Variants in CACNA1E observed in about 807,000 individuals in gnomAD.
CACNA1E encodes calcium voltage-gated channel subunit alpha1 E, also known as voltage-dependent R-type calcium channel subunit alpha-1E.
CACNA1E carries 40 observed loss-of-function variants against 259.2 expected under a neutral mutation model. That is an observed-to-expected ratio of 0.15 (90% CI 0.12 to 0.20). The LOEUF is 0.20. CACNA1E is among the 10% of genes least tolerant of loss of function. The probability of loss-of-function intolerance (pLI) is 1.00; values close to 1 mark genes in which losing one functional copy is unlikely to be tolerated. For synonymous variants in CACNA1E, 1,104 were observed against 1,138.5 expected (o/e 0.97, Z 0.61); for missense variants, 1,874 against 3,040.1 (o/e 0.62, Z 9.02).
intron 1 of CACNA1E, among the ~76,000 whole-genome samples, chr1:181,383,201 A>G (rs1389052235): frequency 6.6e-6 from 1 of 152,138 alleles, no homozygotes; most frequent in Non-Finnish European, 1.5e-5. Flanking sequence ...TGTTATACTT[A>G]CTTCCAACTT....
At chr1:181,445,650 C>T (rs1660747297) in intron 2 of CACNA1E, among the ~76,000 whole-genome samples, 1 of 152,218 alleles carries the variant, frequency 6.6e-6, no homozygotes, top group Admixed American at 6.5e-5. Context: ...CACACAAGGG[C>T]CTTGCCCTCA....
At chr1:181,731,574 G>T (rs893153439) in intron 19 of CACNA1E, among the ~76,000 whole-genome samples, 2 of 152,152 alleles carry the variant, frequency 1.3e-5, no homozygotes, top group African/African-American at 4.8e-5. Context: ...GTGGGTACAT[G>T]CGCGTGTCCC....
chr1:181,708,111 G>A (rs1004199111), intron 7 of CACNA1E, among the ~76,000 whole-genome samples: 2 of 152,206 alleles, frequency 1.3e-5, no homozygotes, highest in Non-Finnish European at 2.9e-5. Flanking sequence ...TTCAGTAAGT[G>A]TGGGAAATGT....
chr1:181,778,821 C>T (rs1263934994), intron 38 of CACNA1E, among the ~76,000 whole-genome samples: 1 of 152,178 alleles, frequency 6.6e-6, no homozygotes, highest in East Asian at 1.9e-4. Flanking sequence ...CAGGCTCCTA[C>T]TGAGTAAAGA....
chr1:181,353,681 A>C lies in CACNA1E; in HGVS notation c.-15+35558A>C, dbSNP rs1024390676. On this transcript the variant is annotated intron_variant, in intron 1 of 11. Coordinates refer to the CACNA1E transcript ENST00000524607. ...GAAATGGGTTCTGAGGGAGTTTAAC[A>C]GTGTAAATAAACCATTCTTCCCAAT... 2.6e-5 allele frequency among the ~76,000 whole-genome samples: 4 copies of C among 152,180 alleles called. 1 individual carries two copies. Among genetic ancestry groups the C allele is most frequent in the East Asian group, 1.9e-4 (1 of 5,200 alleles).
At chr1:181,385,059 A>G (rs1316171602) in intron 1 of CACNA1E, among the ~76,000 whole-genome samples, 1 of 152,054 alleles carries the variant, frequency 6.6e-6, no homozygotes, top group East Asian at 1.9e-4. Context: ...TGGGAATATC[A>G]CTGTAAATAC....
chr1:181,464,142 AT>A (rs1297742508), intron 2 of CACNA1E, among the ~76,000 whole-genome samples: 1 of 151,996 alleles, frequency 6.6e-6, no homozygotes, highest in Non-Finnish European at 1.5e-5. Flanking sequence ...TGTCTCACTA[AT>A]TTAGTTTTTA....
chr1:181,691,723 G>C (rs1651178789), intron 7 of CACNA1E, among the ~76,000 whole-genome samples: 1 of 152,106 alleles, frequency 6.6e-6, no homozygotes. Flanking sequence ...TACTGAATGG[G>C]CAAAAGCTGG....
chr1:181,771,337 G>A lies in CACNA1E; in HGVS notation c.4926G>A (p.Arg1642=). The A allele has an allele frequency of 1.2e-6, 2 of 1,602,090 alleles. No homozygotes were observed. The highest frequency in any genetic ancestry group is 1.1e-5 in the South Asian group (1 of 88,942). Residue 1642 remains arginine (R), a synonymous_variant, in exon 36 of 48, where the codon CGG becomes CGA. Coordinates refer to ENST00000367573, the MANE Select transcript of CACNA1E (RefSeq NM_001205293.3). ...TAGACGAGGAGAGTCACATCAACCG[G>A]CACAACAACTTCCGGAGTTTCTTTG... The part of the protein sequence containing the change: ...IKLDEESHIN[R]HNNFRSFFGS...
Position 181,785,660 on chromosome 1 carries a change from C to G in CACNA1E, c.5680-53C>G. On this transcript the variant is annotated intron_variant, in intron 42 of 47. Transcript: ENST00000367573. The stretch of plus-strand genomic sequence containing the variant: ...CATGTTAATTTTATTTTCCCCACAG[C>G]AAACTCCGTAGTCATTGGAATTCTT... The G allele has an allele frequency of 2.4e-6, 3 of 1,247,114 alleles. No homozygotes were observed. In the East Asian group the frequency reaches 6.9e-5, roughly 29 times the overall value. The allele number at this position is 1,247,114 out of a possible 1,614,324, so 77.3% of individuals were successfully genotyped here. A position where few individuals can be genotyped will look rare whatever the true frequency, so the allele number is the denominator to read the frequency against.
chr1:181,330,040 AGCAT>A (rs1268299950), intron 1 of CACNA1E, among the ~76,000 whole-genome samples: 1 of 152,080 alleles, frequency 6.6e-6, no homozygotes, highest in African/African-American at 2.4e-5. Flanking sequence ...TCTGGTTCTG[AGCAT>A]GTGAGCTAAG....
Position 181,397,007 on chromosome 1 carries a change from C to T in CACNA1E, c.-14-16126C>T, listed in dbSNP as rs1221905923. Among the ~76,000 whole-genome samples, 14 of 152,330 alleles carry T rather than the reference C, an allele frequency of 9.2e-5. No homozygotes were observed. In the South Asian group the frequency reaches 2.5e-3, roughly 27 times the overall value. The stretch of plus-strand genomic sequence containing the variant: ...TCTGCAGCGAACCTGGCCAATGGAA[C>T]AGCTGGGACTCCCTTGCAAGCTGCA... On this transcript the variant is annotated intron_variant, in intron 1 of 11. Coordinates refer to the CACNA1E transcript ENST00000524607.
chr1:181,427,714 C>T (rs1241689848), intron 2 of CACNA1E, among the ~76,000 whole-genome samples: 4 of 148,346 alleles, frequency 2.7e-5, no homozygotes, highest in Non-Finnish European at 6.0e-5. Flanking sequence ...CTCAGCCCCT[C>T]CCCCAGCTGC....
At chr1:181,601,007 T>C (rs953496810) in intron 6 of CACNA1E, among the ~76,000 whole-genome samples, 2 of 152,134 alleles carry the variant, frequency 1.3e-5, no homozygotes, top group Non-Finnish European at 2.9e-5. Flanking sequence ...CATCTTCTCT[T>C]GGGGCTATTT....
At chr1:181,721,699 T>G in intron 15 of CACNA1E, 59 bp from the exon 16 acceptor site, 1 of 1,082,764 alleles carries the variant, frequency 9.2e-7, no homozygotes, top group Non-Finnish European at 1.4e-6. Context: ...CCCTTGGCAT[T>G]GGCCCCATTT....
intron 3 of CACNA1E, among the ~76,000 whole-genome samples, chr1:181,553,657 A>G (rs1170351958): frequency 6.6e-6 from 1 of 152,138 alleles, no homozygotes; most frequent in Non-Finnish European, 1.5e-5. Context: ...AATAGCTCTT[A>G]TTATTTTGAG....
intron 25 of CACNA1E, among the ~76,000 whole-genome samples, chr1:181,740,950 T>C (rs952165315): frequency 6.6e-6 from 1 of 152,202 alleles, no homozygotes; most frequent in African/African-American, 2.4e-5. Context: ...TCCGTCTTCT[T>C]GGAAAGAAGG....
Position 181,808,037 on chromosome 1 carries a change from C to T in CACNA1E, c.*9203C>T, listed in dbSNP as rs1662746148. ...CCTAGAACTCAGGTCCACAGTTTTC[C>T]ACAGGCTAATGGCACTATGAAACAG... On this transcript the variant is annotated 3_prime_UTR_variant, in exon 48 of 48. Coordinates refer to ENST00000367573, the MANE Select transcript of CACNA1E (RefSeq NM_001205293.3). 6.6e-6 allele frequency: 1 copy of T among 152,126 alleles called. No individual in the cohort carries two copies. The highest frequency in any genetic ancestry group is 1.5e-5 in the Non-Finnish European group (1 of 68,034). 9.4% of individuals were successfully genotyped at this position (152,126 alleles called of 1,614,324 possible).
At chr1:181,717,424 A>AG in intron 11 of CACNA1E, 122 bp downstream of exon 11, 1 of 763,334 alleles carries the variant, frequency 1.3e-6, no homozygotes, top group Non-Finnish European at 2.3e-6. Context: ...TCACGCTGTG[A>AG]GGGAGGCCAC....
Sources: gnomAD v4.1 joint callset for allele counts (sites outside exome capture counted in the v4.1 genomes callset) on GRCh38, gnomAD v4.1.1 for gene constraint, MANE v1.5 for transcripts, NCBI Gene and HGNC (gene_info 2026-07-23, HGNC 2026-07-21) for gene names.